The following LRRC37A2 variants were observed in gnomAD, a reference collection of about 807,000 sequenced individuals.
LRRC37A2 encodes leucine-rich repeat-containing protein 37A2.
LRRC37A2 carries 9 observed loss-of-function variants against 68.8 expected under a neutral mutation model. The observed-to-expected ratio is 0.13, with a 90% CI of 0.08 to 0.23. LRRC37A2 has a LOEUF of 0.23. LRRC37A2 is among the 10% of genes least tolerant of loss of function. The probability of loss-of-function intolerance (pLI) is 1.00; values close to 1 mark genes in which losing one functional copy is unlikely to be tolerated. For missense variants in LRRC37A2, 168 were observed against 950.4 expected (o/e 0.18, Z 10.82); for synonymous variants, 63 against 367.6 (o/e 0.17, Z 9.48).
the LRRC37A2 span, among the ~76,000 whole-genome samples, chr17:46,832,150 G>A: frequency 2.0e-5 from 3 of 152,244 alleles, no homozygotes; most frequent in Non-Finnish European, 4.4e-5. Flanking sequence ...AGAGAAGGAA[G>A]AGGTGCCTGC....
the LRRC37A2 span, among the ~76,000 whole-genome samples, chr17:47,044,453 T>C: frequency 3.3e-5 from 5 of 150,794 alleles, no homozygotes; most frequent in Non-Finnish European, 7.4e-5. Flanking sequence ...CCTCTGGTTA[T>C]GTCGGAGAAT....
the LRRC37A2 span, among the ~76,000 whole-genome samples, chr17:46,840,284 C>G: frequency 5.3e-5 from 8 of 152,096 alleles, no homozygotes; most frequent in African/African-American, 1.9e-4. Context: ...GACGGGGTTT[C>G]ACCGTGTTAG....
At chr17:46,494,931 T>C in the LRRC37A2 span, among the ~76,000 whole-genome samples, 1 of 150,990 alleles carries the variant, frequency 6.6e-6, no homozygotes, top group Non-Finnish European at 1.5e-5. Context: ...CCTTCTATCT[T>C]GCTGAGTTTT....
At chr17:46,816,886 C>T in the LRRC37A2 span, among the ~76,000 whole-genome samples, 2 of 152,198 alleles carry the variant, frequency 1.3e-5, no homozygotes, top group African/African-American at 4.8e-5. Flanking sequence ...TCAGGAATGG[C>T]CGGGTGAGGC....
At chr17:46,786,033 T>C in the LRRC37A2 span, among the ~76,000 whole-genome samples, 1 of 152,208 alleles carries the variant, frequency 6.6e-6, no homozygotes, top group African/African-American at 2.4e-5. Context: ...GTTGTGAGCA[T>C]GAAGTGCTTT....
the LRRC37A2 span, chr17:46,952,524 A>G: frequency 0.96 from 145,431 of 152,278 alleles, 69,806 homozygotes; most frequent in East Asian, 1. Flanking sequence ...AGGTCACCCA[A>G]TTCTGGTCAA....
the LRRC37A2 span, among the ~76,000 whole-genome samples, chr17:46,968,297 C>A: frequency 6.6e-6 from 1 of 152,310 alleles, no homozygotes; most frequent in East Asian, 1.9e-4. Flanking sequence ...CTGTGGACAC[C>A]CCTGAACATC....
chr17:46,495,042 C>T, the LRRC37A2 span, among the ~76,000 whole-genome samples: 1 of 148,712 alleles, frequency 6.7e-6, no homozygotes, highest in South Asian at 2.1e-4. Context: ...CTTAATCTCT[C>T]ATATATGAAT....
chr17:46,619,778 A>G, the LRRC37A2 span, among the ~76,000 whole-genome samples: 518 of 87,812 alleles, frequency 5.9e-3, 8 homozygotes, highest in African/African-American at 0.023. Flanking sequence ...TCTAAAAAAA[A>G]AAAAAAAAAA....
the LRRC37A2 span, among the ~76,000 whole-genome samples, chr17:46,720,794 CAGA>C: frequency 2.0e-5 from 3 of 152,134 alleles, no homozygotes; most frequent in African/African-American, 7.2e-5. Flanking sequence ...TTTCAGCTCC[CAGA>C]AGAACCAGAG....
At chr17:46,762,100 C>T in the LRRC37A2 span, among the ~76,000 whole-genome samples, 4 of 152,222 alleles carry the variant, frequency 2.6e-5, no homozygotes, top group Non-Finnish European at 4.4e-5. Context: ...AGAGAAAATC[C>T]TATTTTCCCA....
the LRRC37A2 span, among the ~76,000 whole-genome samples, chr17:46,877,468 C>T: frequency 6.6e-6 from 1 of 152,192 alleles, no homozygotes; most frequent in Admixed American, 6.5e-5. Context: ...AAACTACCAC[C>T]AGTGCAGGTA....
the LRRC37A2 span, among the ~76,000 whole-genome samples, chr17:46,870,390 A>G: frequency 0.27 from 40,462 of 151,966 alleles, 6,223 homozygotes; most frequent in East Asian, 0.52. Flanking sequence ...AACTCTGAGG[A>G]TTTCCTGCCA....
the LRRC37A2 span, among the ~76,000 whole-genome samples, chr17:46,717,364 C>G: frequency 6.6e-6 from 1 of 151,954 alleles, no homozygotes; most frequent in Non-Finnish European, 1.5e-5. Flanking sequence ...ACAAAAATAC[C>G]ATTAAATAGA....
the LRRC37A2 span, among the ~76,000 whole-genome samples, chr17:46,955,059 A>T: frequency 2.0e-5 from 3 of 152,292 alleles, no homozygotes; most frequent in East Asian, 5.8e-4. Flanking sequence ...TATGTTGAAT[A>T]GGAGTGGTGA....
the LRRC37A2 span, among the ~76,000 whole-genome samples, chr17:46,794,752 CTTTTTT>C: frequency 1.5e-5 from 2 of 129,282 alleles, no homozygotes; most frequent in South Asian, 2.7e-4. Flanking sequence ...CTTTCTTTTT[CTTTTTT>C]TTTTTTTTTT....
the LRRC37A2 span, among the ~76,000 whole-genome samples, chr17:46,846,817 G>A: frequency 6.6e-6 from 1 of 152,190 alleles, no homozygotes; most frequent in African/African-American, 2.4e-5. Context: ...GAAGTGAGAA[G>A]GCCTCGAACT....
chr17:46,742,800 C>CT, the LRRC37A2 span, among the ~76,000 whole-genome samples: 1 of 152,222 alleles, frequency 6.6e-6, no homozygotes, highest in East Asian at 1.9e-4. Flanking sequence ...AGTTGACAGG[C>CT]TAGAAACAAG....
At chr17:46,731,243 C>T in the LRRC37A2 span, among the ~76,000 whole-genome samples, 8 of 152,062 alleles carry the variant, frequency 5.3e-5, no homozygotes, top group African/African-American at 1.9e-4. Context: ...AAAAAGACCA[C>T]ATATTGGATG....
Sources: gnomAD v4.1 joint callset for allele counts (sites outside exome capture counted in the v4.1 genomes callset) on GRCh38, gnomAD v4.1.1 for gene constraint, MANE v1.5 for transcripts, NCBI Gene and HGNC (gene_info 2026-07-23, HGNC 2026-07-21) for gene names.